ROS1: variants seen among roughly 807,000 people sequenced by gnomAD.
ROS1 encodes the protein proto-oncogene tyrosine-protein kinase ROS.
Under a neutral mutation model 273.5 loss-of-function variants are expected in ROS1, and 263 were observed. That is an observed-to-expected ratio of 0.96 (90% CI 0.87 to 1.06). ROS1 has a LOEUF of 1.06. Ranked by LOEUF, ROS1 falls within the 50% of genes least tolerant of loss-of-function variation. ROS1 has a pLI of 0.00. For synonymous variants in ROS1, 1,008 were observed against 954.1 expected (o/e 1.06, Z -1.04); for missense variants, 2,833 against 2,751.1 (o/e 1.03, Z -0.67).
chr6:117,400,513 T>C (rs1773851500), intron 7 of ROS1, among the ~76,000 whole-genome samples: 1 of 152,226 alleles, frequency 6.6e-6, no homozygotes, highest in Non-Finnish European at 1.5e-5. Context: ...GATAAAGTTA[T>C]ATTCTGATAG....
intron 32 of ROS1, among the ~76,000 whole-genome samples, chr6:117,334,280 G>A (rs749151574): frequency 1.6e-4 from 25 of 151,930 alleles, no homozygotes; most frequent in Non-Finnish European, 3.4e-4. Context: ...TACGAATACA[G>A]CTAACAAGGG....
intron 42 of ROS1, among the ~76,000 whole-genome samples, chr6:117,305,237 C>A (rs997648289): frequency 2.6e-5 from 4 of 152,090 alleles, no homozygotes; most frequent in African/African-American, 9.7e-5. Context: ...TACTTATAAC[C>A]TGCTTTATTC....
chr6:117,382,795 A>G (rs1385777420), intron 17 of ROS1, among the ~76,000 whole-genome samples: 3 of 152,104 alleles, frequency 2.0e-5, no homozygotes, highest in African/African-American at 7.2e-5. Context: ...ACTCTCATAT[A>G]ATCTTTATAA....
At chr6:117,412,108 C>G (rs1007137626) in intron 4 of ROS1, among the ~76,000 whole-genome samples, 5 of 152,046 alleles carry the variant, frequency 3.3e-5, no homozygotes, top group Non-Finnish European at 7.4e-5. Flanking sequence ...AGGGAAAGGT[C>G]AGTGTGGCCA....
chr6:117,302,164 A>G (rs1373500937), intron 42 of ROS1, among the ~76,000 whole-genome samples: 1 of 152,222 alleles, frequency 6.6e-6, no homozygotes, highest in African/African-American at 2.4e-5. Flanking sequence ...CAGAGTCCCT[A>G]CCTAGCATAA....
chr6:117,321,174 G>C (rs781560760), intron 36 of ROS1, 85 bp downstream of exon 36: 3 of 1,432,138 alleles, frequency 2.1e-6, no homozygotes, highest in Non-Finnish European at 2.8e-6. Flanking sequence ...TGACTGTCTT[G>C]GGCAATGCGG....
intron 9 of ROS1, among the ~76,000 whole-genome samples, chr6:117,395,379 C>T (rs1773407849): frequency 1.3e-5 from 2 of 152,146 alleles, no homozygotes; most frequent in Admixed American, 1.3e-4. Flanking sequence ...AAATACCTCT[C>T]CTTTCCTAGA....
At chr6:117,424,558 TA>T (rs1776000051) in intron 1 of ROS1, among the ~76,000 whole-genome samples, 1 of 151,992 alleles carries the variant, frequency 6.6e-6, no homozygotes, top group African/African-American at 2.4e-5. Context: ...GTTACAAATA[TA>T]AAAAACTAAA....
At chr6:117,389,215 T>TA in intron 13 of ROS1, 135 bp downstream of exon 13, 1 of 998,198 alleles carries the variant, frequency 1.0e-6, no homozygotes, top group Non-Finnish European at 1.5e-6. Context: ...ACTTTTTTTT[T>TA]AGCTAAGTAG....
At chr6:117,352,909 A>C in intron 27 of ROS1, 81 bp downstream of exon 27, 1 of 1,292,274 alleles carries the variant, frequency 7.7e-7, no homozygotes, top group Non-Finnish European at 1.1e-6. Context: ...CTAAAGGGAC[A>C]GCCTTGGAGA....
chr6:117,410,910 G>A (rs1774851918), intron 4 of ROS1, among the ~76,000 whole-genome samples: 1 of 152,130 alleles, frequency 6.6e-6, no homozygotes, highest in Non-Finnish European at 1.5e-5. Context: ...TTCGCATCCT[G>A]TTTACATATT....
At position 117,320,112 on chromosome 6, in the gene ROS1, T is replaced by C. The variant is rs2128559465; in HGVS notation, c.5760-82A>G. 4.9e-6 allele frequency: 6 copies of C among 1,232,834 alleles called. No individual in the cohort carries two copies. The South Asian group carries it at 7.0e-5, about 14-fold the overall frequency. 76.4% of individuals were successfully genotyped at this position (1,232,834 alleles called of 1,614,324 possible). The stretch of plus-strand genomic sequence containing the variant: ...TTTGTGTTGGTATTGGTATTTGTGT[T>C]TGAGAGAGAAAGAAATATCTCATGG... On this transcript the variant is annotated intron_variant, in intron 36 of 43. Coordinates refer to ENST00000368507, the MANE Select transcript of ROS1 (RefSeq NM_001378902.1).
chr6:117,329,321 A>T lies in ROS1; in HGVS notation c.5348+8T>A, dbSNP rs2128592998. The T allele has an allele frequency of 2.4e-6, 3 of 1,264,760 alleles. No individual in the cohort carries two copies. Among genetic ancestry groups the T allele is most frequent in the Non-Finnish European group, 3.4e-6 (3 of 873,586 alleles). The allele number at this position is 1,264,760 out of a possible 1,614,324, so 78.3% of individuals were successfully genotyped here. ...TGTCATTTACAAGTACTTTGCAAAC[A>T]CACATACCTTATCTCAAGGATATAG... On this transcript the variant is annotated splice_region_variant and intron_variant, in intron 33 of 43. Coordinates refer to ENST00000368507, the MANE Select transcript of ROS1 (RefSeq NM_001378902.1).
chr6:117,393,418 T>G lies in ROS1; in HGVS notation c.1192-97A>C, dbSNP rs191148694. The G allele has an allele frequency of 6.2e-5, 51 of 827,778 alleles. No homozygotes were observed. In the African/African-American group the frequency reaches 7.8e-4, roughly 13 times the overall value. The allele number at this position is 827,778 out of a possible 1,614,324, so 51.3% of individuals were successfully genotyped here. On this transcript the variant is annotated intron_variant, in intron 11 of 43. Transcript: ENST00000368507. ...CCCTGAGTATCTGTTCTGTTGGAAT[T>G]GTACTAGGCACTGAGCACTGCCCAA...
chr6:117,384,894 T>C (rs1385004423), intron 16 of ROS1, among the ~76,000 whole-genome samples: 7 of 152,300 alleles, frequency 4.6e-5, no homozygotes, highest in Admixed American at 6.5e-5. Flanking sequence ...TACATCTTGA[T>C]AGTGGCCAGC....
chr6:117,413,569 T>C (rs1654498798), intron 4 of ROS1, among the ~76,000 whole-genome samples: 1 of 152,090 alleles, frequency 6.6e-6, no homozygotes, highest in South Asian at 2.1e-4. Context: ...GTAGCAGAGG[T>C]TGCTTAGAGC....
At chr6:117,340,610 G>C (rs1412618604) in intron 31 of ROS1, among the ~76,000 whole-genome samples, 1 of 152,140 alleles carries the variant, frequency 6.6e-6, no homozygotes, top group East Asian at 1.9e-4. Context: ...TTAAAATTCA[G>C]TGGGTGCTTC....
chr6:117,371,173 C>T (rs965339297), intron 18 of ROS1, among the ~76,000 whole-genome samples: 6 of 152,122 alleles, frequency 3.9e-5, no homozygotes, highest in African/African-American at 1.4e-4. Context: ...CAGGAACATA[C>T]CAGGAAAGCC....
At chr6:117,352,074 T>C (rs1185448007) in intron 27 of ROS1, among the ~76,000 whole-genome samples, 2 of 152,138 alleles carry the variant, frequency 1.3e-5, no homozygotes, top group Non-Finnish European at 2.9e-5. Flanking sequence ...AATGAGGCCA[T>C]GCAATTCTGT....
Sources: gnomAD v4.1 joint callset for allele counts (sites outside exome capture counted in the v4.1 genomes callset) on GRCh38, gnomAD v4.1.1 for gene constraint, MANE v1.5 for transcripts, NCBI Gene and HGNC (gene_info 2026-07-23, HGNC 2026-07-21) for gene names.